Variants in MTARC1 observed in about 807,000 individuals in gnomAD.
The protein encoded by MTARC1 is mitochondrial amidoxime-reducing component 1.
In MTARC1, 24 loss-of-function variants were observed where a neutral mutation model predicts 33.6. The observed-to-expected ratio is 0.72, with a 90% CI of 0.52 to 1.01. The LOEUF is 1.01. MTARC1 is among the 50% of genes least tolerant of loss of function. The pLI is 0.00. For synonymous variants in MTARC1, 187 were observed against 189.5 expected, an observed-to-expected ratio of 0.99 and a Z score of 0.11; for missense variants, 417 against 445.7, an observed-to-expected ratio of 0.94 and a Z score of 0.58.
Position 220,819,453 on chromosome 1 carries a change from GGCTGA to G in MTARC1, c.*6037_*6041del, listed in dbSNP as rs1673343399. 1 of 152,134 alleles carries G rather than the reference GGCTGA, an allele frequency of 6.6e-6. No individual in the cohort carries two copies. Among genetic ancestry groups the G allele is most frequent in the African/African-American group, 2.4e-5 (1 of 41,422 alleles). 9.4% of individuals were successfully genotyped at this position (152,134 alleles called of 1,614,324 possible). A position where few individuals can be genotyped will look rare whatever the true frequency, so the allele number is the denominator to read the frequency against. On this transcript the variant is annotated 3_prime_UTR_variant, in exon 7 of 7. Coordinates refer to ENST00000366910, the MANE Select transcript of MTARC1 (RefSeq NM_022746.4). ...AGATCTTGTATATATGCTATCAAAAGGCTGAGAAAATTAACATGTTCCCCCCTCTG... is the reference window on the plus strand; with the variant it reads ...AGATCTTGTATATATGCTATCAAAAGGAAAATTAACATGTTCCCCCCTCTG...
chr1:220,815,183 A>T lies in MTARC1; in HGVS notation c.*1765A>T, dbSNP rs1216427963. ...AGCGAAGTGTTCAGCAAGTAGCATTACTAATGGGACCGGGGGACCCGTGGG... is the reference window on the plus strand; with the variant it reads ...AGCGAAGTGTTCAGCAAGTAGCATTTCTAATGGGACCGGGGGACCCGTGGG... On this transcript the variant is annotated 3_prime_UTR_variant, in exon 7 of 7. Transcript: ENST00000366910. 2 of 152,286 alleles carry T rather than the reference A, an allele frequency of 1.3e-5. No individual in the cohort carries two copies. Among genetic ancestry groups the T allele is most frequent in the Admixed American group, 1.3e-4 (2 of 15,294 alleles). The allele number at this position is 152,286 out of a possible 1,614,324, so 9.4% of individuals were successfully genotyped here.
rs895522342 is a variant in MTARC1, at chr1:220,816,036, G to A, written c.*2618G>A. 8 of 152,272 alleles carry A rather than the reference G, an allele frequency of 5.3e-5. No individual in the cohort carries two copies. The highest frequency in any genetic ancestry group is 1.9e-4 in the African/African-American group (8 of 41,462). The allele number at this position is 152,272 out of a possible 1,614,324, so 9.4% of individuals were successfully genotyped here. A position where few individuals can be genotyped will look rare whatever the true frequency, so the allele number is the denominator to read the frequency against. On this transcript the variant is annotated 3_prime_UTR_variant, in exon 7 of 7. Transcript: ENST00000366910. ...ACACACGAAGGCAGAAAGAAATTGG[G>A]GAAGGGGAGGCTGTTGGAATTCAGG...
At chr1:220,796,441 C>T (rs1385204786) in intron 2 of MTARC1, among the ~76,000 whole-genome samples, 1 of 152,194 alleles carries the variant, frequency 6.6e-6, no homozygotes, top group East Asian at 1.9e-4. Context: ...ATGAGGAAAG[C>T]AATGCTTAAA....
At chr1:220,793,679 A>C (rs1003301182) in intron 2 of MTARC1, 3 of 152,204 alleles carry the variant, frequency 2.0e-5, no homozygotes, top group African/African-American at 7.2e-5. Context: ...CCTGCTATTA[A>C]TAAGATACAC....
At chr1:220,801,684 T>A (rs2102600041) in intron 4 of MTARC1, among the ~76,000 whole-genome samples, 1 of 151,952 alleles carries the variant, frequency 6.6e-6, no homozygotes, top group African/African-American at 2.4e-5. Flanking sequence ...TGGGAAGAAT[T>A]TTTGGCCAGG....
At chr1:220,811,754 C>A (rs1488945695) in intron 6 of MTARC1, among the ~76,000 whole-genome samples, 1 of 152,192 alleles carries the variant, frequency 6.6e-6, no homozygotes. Context: ...TGCTCATGTA[C>A]CCTCTCCCTG....
chr1:220,797,060 CA>C (rs1463845838), intron 3 of MTARC1, among the ~76,000 whole-genome samples: 1 of 152,178 alleles, frequency 6.6e-6, no homozygotes, highest in Non-Finnish European at 1.5e-5. Context: ...AGTAGGGTTT[CA>C]AAACTGTTCT....
At chr1:220,801,932 T>C (rs1232571074) in intron 4 of MTARC1, among the ~76,000 whole-genome samples, 1 of 151,956 alleles carries the variant, frequency 6.6e-6, no homozygotes, top group Admixed American at 6.6e-5. Flanking sequence ...ACACATTTCT[T>C]ACACCTCACT....
intron 4 of MTARC1, chr1:220,799,169 A>G: frequency 1.0e-6 from 1 of 985,338 alleles, no homozygotes; most frequent in Non-Finnish European, 1.2e-6. Flanking sequence ...ATGGAGGATA[A>G]TAAAAGTACG....
intron 3 of MTARC1, among the ~76,000 whole-genome samples, chr1:220,797,373 C>A (rs984395247): frequency 2.6e-5 from 4 of 152,154 alleles, no homozygotes; most frequent in Non-Finnish European, 4.4e-5. Context: ...CTGCAGTGAT[C>A]TGTGATGGCA....
intron 4 of MTARC1, among the ~76,000 whole-genome samples, chr1:220,801,772 A>G (rs61195656): frequency 6.6e-6 from 1 of 152,120 alleles, no homozygotes; most frequent in Non-Finnish European, 1.5e-5. Context: ...AGGCGGGGCC[A>G]GGGTGCAGCT....
chr1:220,812,034 G>A (rs1673147979), intron 6 of MTARC1, among the ~76,000 whole-genome samples: 3 of 152,202 alleles, frequency 2.0e-5, no homozygotes, highest in South Asian at 2.1e-4. Context: ...ATTGAGGAGG[G>A]GGAATTACTC....
chr1:220,802,714 C>A (rs989707169), intron 4 of MTARC1, among the ~76,000 whole-genome samples: 2 of 152,292 alleles, frequency 1.3e-5, no homozygotes, highest in East Asian at 3.9e-4. Context: ...GCGTGACAGT[C>A]GGCCCTGGCT....
intron 4 of MTARC1, among the ~76,000 whole-genome samples, chr1:220,802,783 G>C (rs1388039643): frequency 1.3e-5 from 2 of 152,144 alleles, no homozygotes; most frequent in African/African-American, 4.8e-5. Context: ...TCTATCCTTA[G>C]CCACCAGCCA....
In MTARC1 at chr1:220,807,610, C is replaced by A. The variant is rs1476196000; in HGVS notation, c.887+2336C>A. On this transcript the variant is annotated intron_variant, in intron 6 of 6. Transcript: ENST00000366910. ...AAAAACAAACAAACAAACAAAAAAA[C>A]AAATATATATAGTCAAGTGTTAAGC... Among the ~76,000 whole-genome samples, 11 of 151,128 alleles carry A rather than the reference C, an allele frequency of 7.3e-5. 1 individual carries two copies. The highest frequency in any genetic ancestry group is 2.7e-4 in the African/African-American group (11 of 40,594).
At chr1:220,792,110 A>G (rs909853320) in intron 2 of MTARC1, among the ~76,000 whole-genome samples, 4 of 152,180 alleles carry the variant, frequency 2.6e-5, no homozygotes, top group East Asian at 1.9e-4. Flanking sequence ...GCAAATGGCT[A>G]TGTGACCCGT....
chr1:220,812,219 G>A (rs1673156842), intron 6 of MTARC1, among the ~76,000 whole-genome samples: 1 of 152,226 alleles, frequency 6.6e-6, no homozygotes, highest in Admixed American at 6.5e-5. Context: ...GAGAGCTGCA[G>A]AGGCACAGGT....
chr1:220,801,772 A>C (rs61195656), intron 4 of MTARC1, among the ~76,000 whole-genome samples: 2,249 of 152,230 alleles, frequency 0.015, 63 homozygotes, highest in African/African-American at 0.052. Flanking sequence ...AGGCGGGGCC[A>C]GGGTGCAGCT....
chr1:220,796,157 T>C (rs1197664728), intron 2 of MTARC1, among the ~76,000 whole-genome samples: 1 of 152,048 alleles, frequency 6.6e-6, no homozygotes, highest in African/African-American at 2.4e-5. Context: ...GTTATATATA[T>C]AGTTATTATC....
Sources: allele counts gnomAD v4.1 joint callset (sites outside exome capture counted in the v4.1 genomes callset), GRCh38; gene constraint gnomAD v4.1.1; transcripts MANE v1.5; gene names NCBI Gene and HGNC (gene_info 2026-07-23, HGNC 2026-07-21).